Variants in ATG14 observed in about 807,000 individuals in gnomAD.
ATG14 encodes the protein autophagy related 14.
In ATG14, 35 loss-of-function variants were observed where a neutral mutation model predicts 60.4. That is an observed-to-expected ratio of 0.58 (90% confidence interval 0.44 to 0.77). ATG14 has a LOEUF of 0.77. Ranked by LOEUF, ATG14 falls within the 30% of genes least tolerant of loss-of-function variation. ATG14 has a pLI of 0.00. For synonymous variants in ATG14, 234 were observed against 228.8 expected (o/e 1.02, Z -0.21); for missense variants, 647 against 626.3 (o/e 1.03, Z -0.35).
intron 9 of ATG14, among the ~76,000 whole-genome samples, chr14:55,375,293 G>A (rs1269772315): frequency 6.6e-6 from 1 of 152,098 alleles, no homozygotes; most frequent in African/African-American, 2.4e-5. Flanking sequence ...ACTGGTTGTT[G>A]TTGGCACACA....
chr14:55,378,808 C>T (rs375541403), intron 7 of ATG14, among the ~76,000 whole-genome samples: 143 of 152,222 alleles, frequency 9.4e-4, no homozygotes, highest in African/African-American at 3.3e-3. Flanking sequence ...TGGGCTCAAG[C>T]GATCCTCCCA....
chr14:55,391,473 A>AAAAAAAAT (rs1363572826), intron 3 of ATG14, among the ~76,000 whole-genome samples: 2 of 146,860 alleles, frequency 1.4e-5, no homozygotes, highest in Non-Finnish European at 3.0e-5. Flanking sequence ...AGACTCCATA[A>AAAAAAAAT]AAAAAAAAAA....
intron 1 of ATG14, among the ~76,000 whole-genome samples, chr14:55,401,106 C>T (rs373372089): frequency 1.5e-4 from 23 of 152,110 alleles, no homozygotes; most frequent in African/African-American, 5.5e-4. Flanking sequence ...TTATTCTTTG[C>T]TAATCTGATT....
At chr14:55,402,948 T>A (rs868603501) in intron 1 of ATG14, among the ~76,000 whole-genome samples, 7 of 60,874 alleles carry the variant, frequency 1.1e-4, no homozygotes, top group African/African-American at 3.7e-4. Context: ...TATATATATA[T>A]ATATATATAT....
chr14:55,369,944 G>C lies in ATG14; in HGVS notation c.1173-19C>G. 6.4e-7 allele frequency: 1 copy of C among 1,570,494 alleles called. No individual in the cohort carries two copies. Among genetic ancestry groups the C allele is most frequent in the Non-Finnish European group, 8.7e-7 (1 of 1,155,960 alleles). On this transcript the variant is annotated intron_variant, in intron 9 of 9. Coordinates refer to ENST00000247178, the MANE Select transcript of ATG14 (RefSeq NM_014924.5). Reference sequence around the variant, plus strand: ...CCCTGACCTGTGTGCAGACAATGAGGGTCTCTTTAGGATAACAACCATTCT... The same window carrying C: ...CCCTGACCTGTGTGCAGACAATGAGCGTCTCTTTAGGATAACAACCATTCT...
intron 2 of ATG14, among the ~76,000 whole-genome samples, chr14:55,396,205 G>A (rs1885311634): frequency 6.6e-6 from 1 of 152,040 alleles, no homozygotes; most frequent in Non-Finnish European, 1.5e-5. Flanking sequence ...TTCTACAAAT[G>A]TCCACAATAA....
intron 7 of ATG14, 78 bp from the exon 8 acceptor site, chr14:55,378,152 T>C: frequency 7.9e-7 from 1 of 1,263,900 alleles, no homozygotes; most frequent in Non-Finnish European, 1.1e-6. Context: ...TACAGTACAA[T>C]TAGGTATAAC....
intron 1 of ATG14, among the ~76,000 whole-genome samples, chr14:55,406,010 T>C (rs1291954218): frequency 6.6e-6 from 1 of 152,108 alleles, no homozygotes; most frequent in Non-Finnish European, 1.5e-5. Context: ...TGTAGGGAAG[T>C]CTTCCCATCG....
Position 55,369,592 on chromosome 14 carries a change from G to C in ATG14, c.*27C>G. ...GTGGGAGAAGAACTTTCTTGATGCA[G>C]ATTTGGTATGTTTTGGTCCATGCTC... On this transcript the variant is annotated 3_prime_UTR_variant, in exon 10 of 10. Coordinates refer to ENST00000247178, the MANE Select transcript of ATG14 (RefSeq NM_014924.5). The C allele has an allele frequency of 6.8e-7, 1 of 1,465,346 alleles. No individual in the cohort carries two copies. The highest frequency in any genetic ancestry group is 9.1e-7 in the Non-Finnish European group (1 of 1,102,318). The allele number at this position is 1,465,346 out of a possible 1,614,324, so 90.8% of individuals were successfully genotyped here.
intron 6 of ATG14, 96 bp from the exon 7 acceptor site, chr14:55,380,786 C>A: frequency 1.3e-6 from 1 of 750,336 alleles, no homozygotes; most frequent in Non-Finnish European, 2.1e-6. Flanking sequence ...ATCATGATAG[C>A]ACTGTTACGT....
chr14:55,387,630 C>T (rs1433444038), intron 4 of ATG14, among the ~76,000 whole-genome samples: 1 of 152,108 alleles, frequency 6.6e-6, no homozygotes, highest in Admixed American at 6.5e-5. Flanking sequence ...TCACTGAGCA[C>T]CACTGAACTT....
chr14:55,372,622 CCTTT>C (rs1416072700), intron 9 of ATG14, among the ~76,000 whole-genome samples: 2 of 152,020 alleles, frequency 1.3e-5, no homozygotes, highest in Non-Finnish European at 2.9e-5. Flanking sequence ...TCCCTCCCTT[CCTTT>C]CTTCCCCAGT....
At chr14:55,408,087 T>C (rs1407354679) in intron 1 of ATG14, among the ~76,000 whole-genome samples, 3 of 152,208 alleles carry the variant, frequency 2.0e-5, no homozygotes, top group African/African-American at 7.2e-5. Context: ...GCATGCTTTA[T>C]GTAATCACTA....
At chr14:55,372,494 C>A (rs977539731) in intron 9 of ATG14, among the ~76,000 whole-genome samples, 7 of 152,112 alleles carry the variant, frequency 4.6e-5, no homozygotes, top group African/African-American at 1.4e-4. Context: ...TCCCCAGGAT[C>A]CCCCAAAGGT....
chr14:55,375,056 T>G (rs1007858503), intron 9 of ATG14, among the ~76,000 whole-genome samples: 1 of 152,236 alleles, frequency 6.6e-6, no homozygotes, highest in Non-Finnish European at 1.5e-5. Flanking sequence ...TTTGCAACAC[T>G]GAGCCTTCTC....
At position 55,395,983 on chromosome 14, in the gene ATG14, CTG is replaced by C; in HGVS notation, c.285-3_285-2del. 1 of 1,583,316 alleles carries C rather than the reference CTG, an allele frequency of 6.3e-7. No individual in the cohort carries two copies. Among genetic ancestry groups the C allele is most frequent in the African/African-American group, 1.4e-5 (1 of 73,600 alleles). On this transcript the variant is annotated splice_acceptor_variant and splice_polypyrimidine_tract_variant and intron_variant, in intron 2 of 9. Transcript: ENST00000247178. LOFTEE classifies it high-confidence loss of function. ...TTTTCCTTCCATAGCTTTTAACACT[CTG>C]TGAGGAAAAGAGACAGAAAATAAGC... is the stretch of plus-strand genomic sequence containing the variant.
rs548096845 is a variant in ATG14, at chr14:55,368,344, C to G, written c.*1275G>C. 6.6e-6 allele frequency: 1 copy of G among 152,370 alleles called. No individual in the cohort carries two copies. The highest frequency in any genetic ancestry group is 6.5e-5 in the Admixed American group (1 of 15,288). 9.4% of individuals were successfully genotyped at this position (152,370 alleles called of 1,614,324 possible). On this transcript the variant is annotated 3_prime_UTR_variant, in exon 10 of 10. Transcript: ENST00000247178. The stretch of plus-strand genomic sequence containing the variant: ...AAGCGATTCTCCTGCCGCAGCCTCC[C>G]GAGTAGCTGGGATTACAGGCGTGCG...
chr14:55,377,506 G>A (rs923503807), intron 9 of ATG14, among the ~76,000 whole-genome samples: 1 of 152,096 alleles, frequency 6.6e-6, no homozygotes, highest in Non-Finnish European at 1.5e-5. Flanking sequence ...AGAAATAGAC[G>A]CAGATCCAAA....
At position 55,397,508 on chromosome 14, in the gene ATG14, G is replaced by C. The variant is rs1566584294; in HGVS notation, c.222-74C>G. ...TCAATGAGACTATGCAAATTCCCAA[G>C]AACCAATCATTCTGCAGAGTCATGT... On this transcript the variant is annotated intron_variant, in intron 1 of 9. Transcript: ENST00000247178. 12 of 1,169,316 alleles carry C rather than the reference G, an allele frequency of 1.0e-5. No homozygotes were observed. The East Asian group carries it at 2.9e-4, about 28-fold the overall frequency. 72.4% of individuals were successfully genotyped at this position (1,169,316 alleles called of 1,614,324 possible).
Sources: gnomAD v4.1 joint callset for allele counts (sites outside exome capture counted in the v4.1 genomes callset) on GRCh38, gnomAD v4.1.1 for gene constraint, MANE v1.5 for transcripts, NCBI Gene and HGNC (gene_info 2026-07-23, HGNC 2026-07-21) for gene names.